RAB3C: variants seen among roughly 807,000 people sequenced by gnomAD.
The protein encoded by RAB3C is ras-related protein Rab-3C.
Under a neutral mutation model 26.4 loss-of-function variants are expected in RAB3C, and 17 were observed. That is an observed-to-expected ratio of 0.64 (90% CI 0.44 to 0.97). The LOEUF is 0.97. RAB3C is among the 50% of genes least tolerant of loss of function. RAB3C has a pLI of 0.00. For synonymous variants in RAB3C, 91 were observed against 95.9 expected (o/e 0.95, Z 0.30); for missense variants, 242 against 281.9 (o/e 0.86, Z 1.01).
intron 1 of RAB3C, among the ~76,000 whole-genome samples, chr5:58,612,969 T>C (rs1471557916): frequency 2.0e-5 from 3 of 152,104 alleles, no homozygotes; most frequent in African/African-American, 7.2e-5. Flanking sequence ...TGAAACAACT[T>C]ATTTTTGTTT....
At chr5:58,609,808 G>A (rs1746658255) in intron 1 of RAB3C, among the ~76,000 whole-genome samples, 1 of 152,150 alleles carries the variant, frequency 6.6e-6, no homozygotes, top group Non-Finnish European at 1.5e-5. Flanking sequence ...TTCTGAATCT[G>A]ACCTTTTCCG....
chr5:58,700,506 A>G (rs1748819387), intron 2 of RAB3C, among the ~76,000 whole-genome samples: 1 of 152,204 alleles, frequency 6.6e-6, no homozygotes, highest in Non-Finnish European at 1.5e-5. Flanking sequence ...CAATTAACTT[A>G]TGGATCTAAT....
chr5:58,595,960 GT>G (rs1270200914), intron 1 of RAB3C, among the ~76,000 whole-genome samples: 2 of 152,084 alleles, frequency 1.3e-5, no homozygotes, highest in Admixed American at 1.3e-4. Flanking sequence ...TGTTTGATGA[GT>G]TTTTTCTAAT....
At chr5:58,597,071 T>C in intron 1 of RAB3C, among the ~76,000 whole-genome samples, 1 of 90,950 alleles carries the variant, frequency 1.1e-5, no homozygotes, top group Non-Finnish European at 1.9e-5. Context: ...TAATATATAT[T>C]ATATAATAAT....
intron 2 of RAB3C, among the ~76,000 whole-genome samples, chr5:58,674,067 G>T (rs1748176061): frequency 6.6e-6 from 1 of 152,112 alleles, no homozygotes; most frequent in Non-Finnish European, 1.5e-5. Flanking sequence ...AGTTTGGGAG[G>T]ATACAAGGTG....
intron 2 of RAB3C, among the ~76,000 whole-genome samples, chr5:58,662,930 T>C (rs1747933366): frequency 6.6e-6 from 1 of 150,400 alleles, no homozygotes; most frequent in Non-Finnish European, 1.5e-5. Flanking sequence ...TTATTGCATG[T>C]AAGTTTTAAC....
intron 2 of RAB3C, among the ~76,000 whole-genome samples, chr5:58,704,233 C>T (rs1748902209): frequency 6.6e-6 from 1 of 152,232 alleles, no homozygotes; most frequent in East Asian, 1.9e-4. Context: ...TATAAAAACG[C>T]ATTTTGGTGT....
chr5:58,851,701 T>C lies in RAB3C; in HGVS notation c.*350T>C, dbSNP rs3797210. The C allele has an allele frequency of 2.9e-4, 54 of 187,902 alleles. No individual in the cohort carries two copies. The East Asian group carries it at 6.1e-3, about 21-fold the overall frequency. The allele number at this position is 187,902 out of a possible 1,614,324, so 11.6% of individuals were successfully genotyped here. ...GCTTTTGTCCCATTGATTCAAATTA[T>C]GCTATTCACTTGTAGGAATGATGAC... On this transcript the variant is annotated 3_prime_UTR_variant, in exon 5 of 5. Coordinates refer to ENST00000282878, the MANE Select transcript of RAB3C (RefSeq NM_138453.4).
chr5:58,849,481 A>G lies in RAB3C; in HGVS notation c.497-1683A>G, dbSNP rs1049920351. On this transcript the variant is annotated intron_variant, in intron 4 of 4. Coordinates refer to ENST00000282878, the MANE Select transcript of RAB3C (RefSeq NM_138453.4). The stretch of plus-strand genomic sequence containing the variant: ...GAAGTTGAACGATCTAGCTCTAAAG[A>G]CTGCACAAACATTATAAAAGAGAGC... Among the ~76,000 whole-genome samples the G allele has an allele frequency of 3.0e-4, 46 of 152,168 alleles. 1 individual carries two copies. Among genetic ancestry groups the G allele is most frequent in the Non-Finnish European group, 1.5e-5 (1 of 68,032 alleles).
intron 3 of RAB3C, among the ~76,000 whole-genome samples, chr5:58,757,742 A>G (rs1323813871): frequency 6.6e-6 from 1 of 152,214 alleles, no homozygotes; most frequent in Non-Finnish European, 1.5e-5. Context: ...ACATGCTAGT[A>G]TCTAGTTTCT....
Position 58,725,983 on chromosome 5 carries a change from T to A in RAB3C, c.253-19T>A, listed in dbSNP as rs756517280. The A allele has an allele frequency of 7.3e-5, 74 of 1,016,944 alleles. No individual in the cohort carries two copies. The highest frequency in any genetic ancestry group is 1.0e-4 in the Non-Finnish European group (73 of 716,566). The allele number at this position is 1,016,944 out of a possible 1,614,324, so 63.0% of individuals were successfully genotyped here. A position where few individuals can be genotyped will look rare whatever the true frequency, so the allele number is the denominator to read the frequency against. ...TTGCCTTATTTCTGAGAGATTATCA[T>A]TTTTTTTTTATTCTTTAGGACACAG... On this transcript the variant is annotated intron_variant, in intron 2 of 4. Transcript: ENST00000282878.
chr5:58,584,521 C>T (rs1745971411), intron 1 of RAB3C, among the ~76,000 whole-genome samples: 1 of 152,068 alleles, frequency 6.6e-6, no homozygotes, highest in South Asian at 2.1e-4. Context: ...AATAAAGGTA[C>T]AGGCTGTTGC....
At chr5:58,719,735 C>G (rs1198857240) in intron 2 of RAB3C, among the ~76,000 whole-genome samples, 1 of 151,860 alleles carries the variant, frequency 6.6e-6, no homozygotes, top group East Asian at 1.9e-4. Flanking sequence ...CTTTACATGG[C>G]TTTCTCCTCT....
At chr5:58,784,444 G>A (rs895846316) in intron 3 of RAB3C, among the ~76,000 whole-genome samples, 4 of 152,028 alleles carry the variant, frequency 2.6e-5, no homozygotes, top group Non-Finnish European at 2.9e-5. Flanking sequence ...AAAGATCCAC[G>A]CCCATGGATC....
At chr5:58,747,664 T>A (rs1741428494) in intron 3 of RAB3C, among the ~76,000 whole-genome samples, 1 of 151,976 alleles carries the variant, frequency 6.6e-6, no homozygotes, top group South Asian at 2.1e-4. Context: ...TTCATTGCTA[T>A]CTATACCAGG....
Position 58,828,211 on chromosome 5 carries a change from C to A in RAB3C, c.496+3049C>A, listed in dbSNP as rs531621003. 2.0e-5 allele frequency among the ~76,000 whole-genome samples: 3 copies of A among 152,160 alleles called. No homozygotes were observed. The South Asian group carries it at 6.2e-4, about 32-fold the overall frequency. On this transcript the variant is annotated intron_variant, in intron 4 of 4. Coordinates refer to ENST00000282878, the MANE Select transcript of RAB3C (RefSeq NM_138453.4). ...TTACTGGGAATGCAATGACAAATAA[C>A]CCTACCTTCTAGGAGCAAACATTGT...
At chr5:58,754,334 C>T (rs1396143965) in intron 3 of RAB3C, among the ~76,000 whole-genome samples, 1 of 144,582 alleles carries the variant, frequency 6.9e-6, no homozygotes, top group South Asian at 2.4e-4. Flanking sequence ...ATATCATTGT[C>T]GGAAGGGCAC....
chr5:58,715,953 G>C (rs534974688), intron 2 of RAB3C, among the ~76,000 whole-genome samples: 11 of 151,762 alleles, frequency 7.2e-5, no homozygotes, highest in African/African-American at 2.2e-4. Context: ...TGCCATGCTG[G>C]TGCACTGCAC....
intron 3 of RAB3C, among the ~76,000 whole-genome samples, chr5:58,791,063 A>T (rs1205597341): frequency 1.3e-5 from 1 of 79,160 alleles, no homozygotes; most frequent in Non-Finnish European, 3.2e-5. Flanking sequence ...ATAATTTTTG[A>T]CATTAAAAAA....
Sources: gnomAD v4.1 joint callset for allele counts (sites outside exome capture counted in the v4.1 genomes callset) on GRCh38, gnomAD v4.1.1 for gene constraint, MANE v1.5 for transcripts, NCBI Gene and HGNC (gene_info 2026-07-23, HGNC 2026-07-21) for gene names.